Variants in NREP observed in about 807,000 individuals in gnomAD.
NREP encodes the protein neuronal regeneration-related protein.
Under a neutral mutation model 8.6 loss-of-function variants are expected in NREP, and 5 were observed. That is an observed-to-expected ratio of 0.58 (90% confidence interval 0.30 to 1.22). The LOEUF is 1.22. NREP is among the 50% of genes most tolerant of loss of function. The pLI is 0.07. For missense variants in NREP, 86 were observed against 82.5 expected (o/e 1.04, Z -0.17); for synonymous variants, 27 against 28.0 (o/e 0.96, Z 0.11).
intron 2 of NREP, among the ~76,000 whole-genome samples, chr5:111,939,693 T>C (rs1380958298): frequency 3.9e-5 from 6 of 152,048 alleles, no homozygotes; most frequent in Admixed American, 3.3e-4. Context: ...CCACGTTATT[T>C]GAATTTTTGT....
intron 2 of NREP, among the ~76,000 whole-genome samples, chr5:111,857,048 CTAAATATTG>C (rs1753442225): frequency 7.2e-5 from 11 of 152,140 alleles, no homozygotes; most frequent in Non-Finnish European, 1.5e-4. Context: ...TAGAAACATG[CTAAATATTG>C]CTGCATAATG....
At chr5:111,779,564 G>A (rs1478565519) in intron 2 of NREP, among the ~76,000 whole-genome samples, 1 of 152,154 alleles carries the variant, frequency 6.6e-6, no homozygotes, top group Non-Finnish European at 1.5e-5. Context: ...AGAGGCTTAG[G>A]TCAAACTCTC....
chr5:111,744,007 T>C (rs1318484858), intron 2 of NREP, among the ~76,000 whole-genome samples: 1 of 152,190 alleles, frequency 6.6e-6, no homozygotes, highest in Non-Finnish European at 1.5e-5. Context: ...AGTATTTATT[T>C]AGACATAGGA....
intron 2 of NREP, among the ~76,000 whole-genome samples, chr5:111,769,938 A>G (rs2112871711): frequency 6.6e-6 from 1 of 152,320 alleles, no homozygotes; most frequent in Middle Eastern, 3.4e-3. Context: ...AAACCATATC[A>G]GTGAGTATTC....
At chr5:111,867,008 A>C (rs1376302944) in intron 2 of NREP, among the ~76,000 whole-genome samples, 10 of 143,048 alleles carry the variant, frequency 7.0e-5, no homozygotes, top group African/African-American at 1.3e-4. Flanking sequence ...GGTGGGGGGA[A>C]GGGGGAGGGA....
At chr5:111,892,613 A>G (rs1194922653) in intron 2 of NREP, among the ~76,000 whole-genome samples, 2 of 149,584 alleles carry the variant, frequency 1.3e-5, no homozygotes, top group South Asian at 2.1e-4. Flanking sequence ...ATATTTTTGG[A>G]AAAAAAACCC....
chr5:111,851,452 T>G (rs940595852), intron 2 of NREP, among the ~76,000 whole-genome samples: 3 of 152,168 alleles, frequency 2.0e-5, no homozygotes, highest in Non-Finnish European at 4.4e-5. Context: ...CGTATGTGTG[T>G]GTACATATAT....
At chr5:111,878,483 C>T (rs1019468448) in intron 2 of NREP, among the ~76,000 whole-genome samples, 3 of 152,172 alleles carry the variant, frequency 2.0e-5, no homozygotes, top group African/African-American at 7.2e-5. Context: ...GACACTGCAT[C>T]CATGATTCAA....
chr5:111,797,775 T>C (rs1751907791), intron 2 of NREP, among the ~76,000 whole-genome samples: 1 of 152,186 alleles, frequency 6.6e-6, no homozygotes, highest in African/African-American at 2.4e-5. Flanking sequence ...CTGATGAGGA[T>C]GGGATTTTCA....
chr5:111,886,488 C>T lies in NREP; in HGVS notation c.135+88786G>A, dbSNP rs986195533. 1.2e-4 allele frequency among the ~76,000 whole-genome samples: 18 copies of T among 152,040 alleles called. No homozygotes were observed. The South Asian group carries it at 3.5e-3, about 30-fold the overall frequency. ...CATTACTGAGTATATACCCAAAGGA[C>T]TATAAATCATGCTGCTATAAAGACA... On this transcript the variant is annotated intron_variant, in intron 2 of 3. Transcript: ENST00000395634.
chr5:111,750,757 C>T (rs534511789), intron 2 of NREP, among the ~76,000 whole-genome samples: 1 of 152,310 alleles, frequency 6.6e-6, no homozygotes, highest in South Asian at 2.1e-4. Context: ...CCTCTTGGGT[C>T]CAGGCTGCAG....
chr5:111,840,338 T>G (rs776443524), intron 2 of NREP, among the ~76,000 whole-genome samples: 1 of 152,126 alleles, frequency 6.6e-6, no homozygotes, highest in Non-Finnish European at 1.5e-5. Context: ...CCAACACAGC[T>G]GTCTCTCTTC....
intron 2 of NREP, among the ~76,000 whole-genome samples, chr5:111,808,069 T>C (rs1276028669): frequency 6.6e-6 from 1 of 152,248 alleles, no homozygotes; most frequent in East Asian, 1.9e-4. Flanking sequence ...CTTTTGCGTC[T>C]GGTCACATAC....
chr5:111,877,821 TCAGA>T (rs10545566), intron 2 of NREP, among the ~76,000 whole-genome samples: 32,026 of 151,902 alleles, frequency 0.21, 5,064 homozygotes, highest in African/African-American at 0.44. Flanking sequence ...GGGAAGAAGC[TCAGA>T]CAGACCAAGT....
At chr5:111,917,182 A>T (rs1020280063) in intron 2 of NREP, among the ~76,000 whole-genome samples, 7 of 152,202 alleles carry the variant, frequency 4.6e-5, no homozygotes, top group African/African-American at 1.4e-4. Flanking sequence ...CATATGCTAG[A>T]CCAATAACAT....
intron 2 of NREP, among the ~76,000 whole-genome samples, chr5:111,855,196 G>A (rs554707047): frequency 6.6e-6 from 1 of 152,268 alleles, no homozygotes; most frequent in African/African-American, 2.4e-5. Context: ...AAAGGGTCAG[G>A]TAGACTAATG....
intron 2 of NREP, among the ~76,000 whole-genome samples, chr5:111,772,611 G>A (rs1751257455): frequency 6.6e-6 from 1 of 151,964 alleles, no homozygotes; most frequent in South Asian, 2.1e-4. Flanking sequence ...CCTCAGAGAA[G>A]CAGCAACAAG....
chr5:111,827,815 C>A (rs1490679316), intron 2 of NREP, among the ~76,000 whole-genome samples: 1 of 151,986 alleles, frequency 6.6e-6, no homozygotes, highest in Non-Finnish European at 1.5e-5. Flanking sequence ...TGCACTCCAG[C>A]CTGGGCCACA....
intron 2 of NREP, among the ~76,000 whole-genome samples, chr5:111,933,752 T>G (rs1755606801): frequency 6.6e-6 from 1 of 152,098 alleles, no homozygotes; most frequent in African/African-American, 2.4e-5. Flanking sequence ...AACGAAAGAA[T>G]ACCTGAAGAA....
Sources: allele counts gnomAD v4.1 joint callset (sites outside exome capture counted in the v4.1 genomes callset), GRCh38; gene constraint gnomAD v4.1.1; transcripts MANE v1.5; gene names NCBI Gene and HGNC (gene_info 2026-07-23, HGNC 2026-07-21).